The following SNX29 variants were observed in gnomAD, a reference collection of about 807,000 sequenced individuals.
SNX29 encodes sorting nexin 29.
Under a neutral mutation model 102.1 loss-of-function variants are expected in SNX29, and 78 were observed. The ratio of observed to expected loss-of-function variants is 0.76; its 90% CI spans 0.64 to 0.92. The LOEUF (loss-of-function observed/expected upper bound fraction) is 0.92. Among genes scored for constraint, SNX29 ranks in the 40% least tolerant of loss-of-function variants. The pLI, the probability that SNX29 is intolerant of heterozygous loss-of-function variation, is 0.00. For missense variants in SNX29, 1,280 were observed against 1,061.7 expected (o/e 1.21, Z -2.86); for synonymous variants, 580 against 414.5 (o/e 1.40, Z -4.85).
intron 14 of SNX29, among the ~76,000 whole-genome samples, chr16:12,228,701 A>T (rs186349590): frequency 1.7e-3 from 253 of 152,280 alleles, no homozygotes; most frequent in African/African-American, 4.5e-3. Flanking sequence ...CTCTGCCTGT[A>T]TCACCTCATT....
At chr16:12,535,326 A>T (rs1464171560) in intron 20 of SNX29, among the ~76,000 whole-genome samples, 1 of 152,044 alleles carries the variant, frequency 6.6e-6, no homozygotes, top group Non-Finnish European at 1.5e-5. Context: ...TTTAGTAGAG[A>T]TGAGGTTTCG....
At chr16:12,057,638 G>T (rs2050573289) in intron 8 of SNX29, among the ~76,000 whole-genome samples, 1 of 152,128 alleles carries the variant, frequency 6.6e-6, no homozygotes. Flanking sequence ...GAACACTGGA[G>T]TTGACCTAAA....
chr16:12,140,639 T>C (rs2054836580), intron 13 of SNX29, among the ~76,000 whole-genome samples: 1 of 152,108 alleles, frequency 6.6e-6, no homozygotes, highest in African/African-American at 2.4e-5. Context: ...ACTACCGTGC[T>C]GTCACTCTTG....
chr16:12,424,234 A>AGAGTGT (rs1645801051), intron 18 of SNX29, among the ~76,000 whole-genome samples: 1 of 152,230 alleles, frequency 6.6e-6, no homozygotes, highest in African/African-American at 2.4e-5. Context: ...CTTCAAGAGC[A>AGAGTGT]GAGTGTGGGT....
intron 4 of SNX29, among the ~76,000 whole-genome samples, chr16:12,039,333 A>T (rs1201262629): frequency 6.6e-6 from 1 of 152,046 alleles, no homozygotes; most frequent in African/African-American, 2.4e-5. Context: ...GAGGATTTTC[A>T]GGCTTAGCAT....
At chr16:12,420,401 CAGGG>C (rs2084824788) in intron 18 of SNX29, among the ~76,000 whole-genome samples, 1 of 152,110 alleles carries the variant, frequency 6.6e-6, no homozygotes, top group Non-Finnish European at 1.5e-5. Flanking sequence ...TCAGTAAAAT[CAGGG>C]TGTTTCATCT....
chr16:12,435,933 G>A (rs1436630051), intron 18 of SNX29, among the ~76,000 whole-genome samples: 3 of 152,202 alleles, frequency 2.0e-5, no homozygotes, highest in Non-Finnish European at 4.4e-5. Flanking sequence ...TGTGGGAACA[G>A]CGACGCCACA....
intron 20 of SNX29, among the ~76,000 whole-genome samples, chr16:12,555,680 A>G (rs1277329629): frequency 6.6e-6 from 1 of 152,026 alleles, no homozygotes; most frequent in Non-Finnish European, 1.5e-5. Context: ...AAGTCTGAGA[A>G]TAAGCCTTCC....
intron 16 of SNX29, among the ~76,000 whole-genome samples, chr16:12,369,691 T>G (rs1218346599): frequency 6.6e-6 from 1 of 152,212 alleles, no homozygotes; most frequent in Non-Finnish European, 1.5e-5. Flanking sequence ...CTAAGTTAAT[T>G]TGTTCAATTT....
intron 14 of SNX29, among the ~76,000 whole-genome samples, chr16:12,254,107 C>T (rs762958378): frequency 5.3e-5 from 8 of 152,006 alleles, no homozygotes; most frequent in Non-Finnish European, 7.4e-5. Context: ...TTGTGGGGGC[C>T]GAGCAGGAGC....
At chr16:12,360,186 C>G (rs1177078437) in intron 16 of SNX29, among the ~76,000 whole-genome samples, 2 of 152,212 alleles carry the variant, frequency 1.3e-5, no homozygotes, top group Non-Finnish European at 2.9e-5. Flanking sequence ...GTTCAATATT[C>G]TCCAGTTAGC....
intron 19 of SNX29, among the ~76,000 whole-genome samples, chr16:12,502,722 C>G (rs531130874): frequency 6.6e-6 from 1 of 152,212 alleles, no homozygotes; most frequent in Non-Finnish European, 1.5e-5. Flanking sequence ...GAAACATGAA[C>G]TTTAAATGTG....
chr16:12,178,415 T>C (rs2076309232), intron 13 of SNX29, among the ~76,000 whole-genome samples: 1 of 152,164 alleles, frequency 6.6e-6, no homozygotes, highest in African/African-American at 2.4e-5. Flanking sequence ...TTGCTTTCTG[T>C]TCCATGGAAT....
chr16:12,171,251 A>G (rs888720960), intron 13 of SNX29, among the ~76,000 whole-genome samples: 4 of 152,096 alleles, frequency 2.6e-5, no homozygotes, highest in Non-Finnish European at 5.9e-5. Flanking sequence ...CGTGATGACT[A>G]AGAGCGCCAA....
rs537640013 is a variant in SNX29, at chr16:12,540,671, T to C, written c.2318+15830T>C. On this transcript the variant is annotated intron_variant, in intron 20 of 20. Transcript: ENST00000566228. ...TCAAAAGCCTGAATGTAACCACAGC[T>C]GCTGGTCCCTCTTGTTGTAGAAGCT... 3.3e-3 allele frequency among the ~76,000 whole-genome samples: 507 copies of C among 152,302 alleles called. 4 individuals are homozygous for C. Among genetic ancestry groups the C allele is most frequent in the African/African-American group, 0.012 (482 of 41,554 alleles).
intron 4 of SNX29, among the ~76,000 whole-genome samples, chr16:12,038,345 G>T (rs1317338118): frequency 6.6e-6 from 1 of 152,190 alleles, no homozygotes; most frequent in Admixed American, 6.5e-5. Flanking sequence ...AGGCTTGATA[G>T]AAACTTTCCC....
intron 16 of SNX29, chr16:12,375,907 C>T (rs1050073321): frequency 6.6e-6 from 1 of 151,990 alleles, no homozygotes; most frequent in Non-Finnish European, 1.5e-5. Flanking sequence ...GTTACACACG[C>T]CTGTGATCCC....
At chr16:12,113,091 C>T (rs1284751423) in intron 11 of SNX29, among the ~76,000 whole-genome samples, 1 of 152,210 alleles carries the variant, frequency 6.6e-6, no homozygotes, top group Non-Finnish European at 1.5e-5. Context: ...TGCCTTGACT[C>T]CAAGACTGGG....
chr16:12,061,386 A>C (rs946719254), intron 8 of SNX29, 142 bp from the exon 9 acceptor site: 10 of 649,520 alleles, frequency 1.5e-5, no homozygotes, highest in African/African-American at 3.6e-5. Flanking sequence ...TCCACGCTCT[A>C]CCTCCCAGCC....
Sources: gnomAD v4.1 joint callset for allele counts (sites outside exome capture counted in the v4.1 genomes callset) on GRCh38, gnomAD v4.1.1 for gene constraint, MANE v1.5 for transcripts, NCBI Gene and HGNC (gene_info 2026-07-23, HGNC 2026-07-21) for gene names.